POLR2B: variants seen among roughly 807,000 people sequenced by gnomAD.
The protein encoded by POLR2B is RNA polymerase II subunit B, also known as DNA-directed RNA polymerase II subunit RPB2.
A neutral mutation model predicts 144.6 loss-of-function variants in POLR2B; 57 were observed. That is an observed-to-expected ratio of 0.39 (90% confidence interval 0.32 to 0.49). The LOEUF (loss-of-function observed/expected upper bound fraction) is 0.49. Among genes scored for constraint, POLR2B ranks in the 20% least tolerant of loss-of-function variants. The pLI, the probability that POLR2B is intolerant of heterozygous loss-of-function variation, is 0.83. For synonymous variants in POLR2B, 442 were observed against 469.8 expected (o/e 0.94, Z 0.77); for missense variants, 595 against 1,467.4 (o/e 0.41, Z 9.71).
At position 57,010,977 on chromosome 4, in the gene POLR2B, T is replaced by C; in HGVS notation, c.1689-12T>C. The stretch of plus-strand genomic sequence containing the variant: ...TTGTTAAGTGTAAAATGCTTTTGCT[T>C]TTTCATTGTAGTGCAACCAAGATTT... On this transcript the variant is annotated splice_polypyrimidine_tract_variant and intron_variant, in intron 12 of 24. Coordinates refer to ENST00000314595, the MANE Select transcript of POLR2B (RefSeq NM_000938.3). The C allele has an allele frequency of 6.2e-7, 1 of 1,611,764 alleles. No individual in the cohort carries two copies. Among genetic ancestry groups the C allele is most frequent in the South Asian group, 1.1e-5 (1 of 91,038 alleles).
chr4:56,999,235 T>A (rs1439791922), intron 6 of POLR2B, among the ~76,000 whole-genome samples: 1 of 144,496 alleles, frequency 6.9e-6, no homozygotes, highest in South Asian at 2.2e-4. Context: ...TTTTTACCTC[T>A]CTTCTATTTC....
intron 10 of POLR2B, among the ~76,000 whole-genome samples, chr4:57,007,422 C>CAA (rs892066535): frequency 1.4e-5 from 2 of 141,986 alleles, no homozygotes; most frequent in African/African-American, 5.2e-5. Flanking sequence ...TCTCAAAAAA[C>CAA]AAAAAAAAAA....
intron 3 of POLR2B, 38 bp downstream of exon 3, chr4:56,990,936 GT>G: frequency 6.5e-7 from 1 of 1,546,280 alleles, no homozygotes; most frequent in Non-Finnish European, 8.7e-7. Context: ...TACAAGAAGC[GT>G]ATTGGTTTGA....
chr4:56,985,592 G>C, intron 1 of POLR2B: 1 of 488,528 alleles, frequency 2.0e-6, no homozygotes, highest in Non-Finnish European at 2.7e-6. Context: ...AGTAGAGACA[G>C]GGTTTTGCCA....
At chr4:57,020,018 G>A (rs111793393) in intron 16 of POLR2B, among the ~76,000 whole-genome samples, 1,618 of 152,042 alleles carry the variant, frequency 0.011, 8 homozygotes, top group Middle Eastern at 0.017. Context: ...TGATATCCAG[G>A]TTATGAATAT....
rs942724564 is a variant in POLR2B, at chr4:56,995,303, A to G, written c.629A>G (p.Lys210Arg). ...ACAAACACAGTTTATGTGTTTGCCA[A>G]AAAGGATTCTAAATATGCCTACACA... ...MATNTVYVFA[K>R]KDSKYAYTGE... Residue 210 changes from lysine (K) to arginine (R), a missense_variant, in exon 6 of 25, where the codon AAA becomes AGA. Coordinates refer to ENST00000314595, the MANE Select transcript of POLR2B (RefSeq NM_000938.3). The G allele has an allele frequency of 3.7e-6, 6 of 1,613,430 alleles. No homozygotes were observed. The highest frequency in any genetic ancestry group is 5.1e-6 in the Non-Finnish European group (6 of 1,179,372).
intron 7 of POLR2B, 84 bp from the exon 8 acceptor site, chr4:57,005,162 C>T: frequency 1.4e-6 from 1 of 705,124 alleles, no homozygotes; most frequent in Non-Finnish European, 2.2e-6. Flanking sequence ...GGGTACTTGG[C>T]ATGTTATAAA....
At chr4:56,988,317 A>G (rs1052295708) in intron 2 of POLR2B, among the ~76,000 whole-genome samples, 6 of 151,938 alleles carry the variant, frequency 3.9e-5, no homozygotes, top group Non-Finnish European at 8.8e-5. Context: ...AAAGCTTTAA[A>G]ATAGAAGGCT....
Position 57,006,964 on chromosome 4 carries a change from C to T in POLR2B, c.1366C>T (p.Gln456Ter). Residue 456 changes from glutamine to a stop codon, truncating the protein, a stop_gained, in exon 10 of 25, where the codon CAA becomes TAA. Coordinates refer to ENST00000314595, the MANE Select transcript of POLR2B (RefSeq NM_000938.3). LOFTEE classifies it high-confidence loss of function. ...TTTAGCTACTGGAAACTGGGGTGAT[C>T]AAAAGAAAGCTCATCAAGCCAGAGC... Reference protein sequence around the residue: ...YSLATGNWGDQKKAHQARAGV... With the variant: ...YSLATGNWGD 1 of 1,613,904 alleles carries T rather than the reference C, an allele frequency of 6.2e-7. No homozygotes were observed. Among genetic ancestry groups the T allele is most frequent in the Non-Finnish European group, 8.5e-7 (1 of 1,179,864 alleles).
intron 17 of POLR2B, 57 bp downstream of exon 17, chr4:57,021,052 TG>T: frequency 2.1e-6 from 2 of 969,818 alleles, no homozygotes; most frequent in Non-Finnish European, 1.7e-6. Flanking sequence ...TAATTTTTTA[TG>T]CAAAAAAAGT....
chr4:56,981,877 C>T (rs1048175116), intron 1 of POLR2B, among the ~76,000 whole-genome samples: 8 of 152,186 alleles, frequency 5.3e-5, no homozygotes, highest in Non-Finnish European at 1.0e-4. Flanking sequence ...AGATTGACAG[C>T]GACTTCTCAA....
chr4:57,023,851 G>A lies in POLR2B; in HGVS notation c.2856+100G>A. On this transcript the variant is annotated intron_variant, in intron 20 of 24. Transcript: ENST00000314595. This position sits in a 1 kb window ranked among gnomAD's most constrained non-coding sequence, Gnocchi z 4.3. ...ACTTAAGAGCTCAAAGATGATACAG[G>A]TTGAACTTTTTGATTTTATTGTTGA... The A allele has an allele frequency of 3.4e-6, 3 of 879,170 alleles. No individual in the cohort carries two copies. Among genetic ancestry groups the A allele is most frequent in the Non-Finnish European group, 3.6e-6 (2 of 560,846 alleles). The allele number at this position is 879,170 out of a possible 1,614,324, so 54.5% of individuals were successfully genotyped here. A position where few individuals can be genotyped will look rare whatever the true frequency, so the allele number is the denominator to read the frequency against.
At position 57,004,646 on chromosome 4, in the gene POLR2B, A is replaced by G. The variant is rs999145566; in HGVS notation, c.901-600A>G. 1.1e-4 allele frequency among the ~76,000 whole-genome samples: 17 copies of G among 152,152 alleles called. 1 individual carries two copies. Among genetic ancestry groups the G allele is most frequent in the Admixed American group, 9.8e-4 (15 of 15,264 alleles). The stretch of plus-strand genomic sequence containing the variant: ...TGTAAATTGATTTTAGATATCTGGA[A>G]CTTTATTTTTCCATTGGTAAAATGT... On this transcript the variant is annotated intron_variant, in intron 7 of 24. Coordinates refer to ENST00000314595, the MANE Select transcript of POLR2B (RefSeq NM_000938.3).
rs548284937 is a variant in POLR2B, at chr4:56,994,719, G to C, written c.429G>C (p.Gln143His). 1 of 1,613,428 alleles carries C rather than the reference G, an allele frequency of 6.2e-7. No homozygotes were observed. The highest frequency in any genetic ancestry group is 1.7e-5 in the Admixed American group (1 of 59,996). ...IKEGEEQLQT[Q>H]HQKTFIGKIP... ...AAGGTGAAGAACAACTTCAGACTCAGCATCAGAAAACTTTTATAGGAAAAA... is the reference window on the plus strand; with the variant it reads ...AAGGTGAAGAACAACTTCAGACTCACCATCAGAAAACTTTTATAGGAAAAA... Residue 143 changes from glutamine (Q) to histidine (H), a missense_variant, in exon 5 of 25, where the codon CAG becomes CAC. Transcript: ENST00000314595.
rs374724088 is a variant in POLR2B at position 57,028,291 on chromosome 4, A to G, written c.3240-1913A>G. The stretch of plus-strand genomic sequence containing the variant: ...AGTAGAAGTGCTTATGAAGTGTTCC[A>G]TTTTATTTTACTTTATTTTTTATAT... On this transcript the variant is annotated intron_variant, in intron 23 of 24. Coordinates refer to ENST00000314595, the MANE Select transcript of POLR2B (RefSeq NM_000938.3). Among the ~76,000 whole-genome samples the G allele has an allele frequency of 7.2e-5, 11 of 152,188 alleles. No homozygotes were observed. The South Asian group carries it at 1.0e-3, about 14-fold the overall frequency.
In POLR2B at chr4:56,997,481, T is replaced by G. The variant is rs1463459526; in HGVS notation, c.735+2072T>G. Reference sequence around the variant, plus strand: ...TATGTTGCCTAGGCTGGTCTCGAACTCCTGAGCTCAAGTGACCTGCCTGCC... The same window carrying G: ...TATGTTGCCTAGGCTGGTCTCGAACGCCTGAGCTCAAGTGACCTGCCTGCC... On this transcript the variant is annotated intron_variant, in intron 6 of 24. Transcript: ENST00000314595. Among the ~76,000 whole-genome samples the G allele has an allele frequency of 2.0e-5, 3 of 152,240 alleles. No homozygotes were observed. The East Asian group carries it at 5.8e-4, about 29-fold the overall frequency.
chr4:56,999,932 A>G (rs1259093936), intron 7 of POLR2B, 151 bp downstream of exon 7: 1 of 523,414 alleles, frequency 1.9e-6, no homozygotes, highest in African/African-American at 2.0e-5. Context: ...GAAAGCTTTC[A>G]GCCCTGCCTG....
intron 23 of POLR2B, among the ~76,000 whole-genome samples, chr4:57,027,655 T>G (rs935808246): frequency 1.3e-5 from 2 of 152,202 alleles, no homozygotes; most frequent in African/African-American, 4.8e-5. Flanking sequence ...AAGTTGTAGT[T>G]TCTCAAAGGT....
chr4:56,989,475 T>A (rs1277283), intron 2 of POLR2B, among the ~76,000 whole-genome samples: 135,855 of 152,260 alleles, frequency 0.89, 60,639 homozygotes, highest in East Asian at 0.97. Context: ...AACTTCTAAT[T>A]TTGGTGGCCA....
Sources: gnomAD v4.1 joint callset for allele counts (sites outside exome capture counted in the v4.1 genomes callset) on GRCh38, gnomAD v4.1.1 for gene constraint, Gnocchi (gnomAD v3.1) non-coding constraint, MANE v1.5 for transcripts, NCBI Gene and HGNC (gene_info 2026-07-23, HGNC 2026-07-21) for gene names.